The following CDH13 variants were observed in gnomAD, a reference collection of about 807,000 sequenced individuals.
The protein encoded by CDH13 is cadherin 13.
CDH13 carries 24 observed loss-of-function variants against 63.8 expected under a neutral mutation model. The observed-to-expected ratio is 0.38, with a 90% confidence interval of 0.27 to 0.53. CDH13 has a LOEUF of 0.53. CDH13 is among the 20% of genes least tolerant of loss of function. The pLI is 0.85. For missense variants in CDH13, 1,049 were observed against 903.1 expected (o/e 1.16, Z -2.07); for synonymous variants, 503 against 355.3 (o/e 1.42, Z -4.67).
chr16:83,247,417 C>T (rs1324700208), intron 5 of CDH13, among the ~76,000 whole-genome samples: 3 of 152,076 alleles, frequency 2.0e-5, no homozygotes, highest in Non-Finnish European at 2.9e-5. Flanking sequence ...GTGCATATCC[C>T]ACTCTTGTGT....
At chr16:83,439,223 C>T (rs2072414007) in intron 6 of CDH13, among the ~76,000 whole-genome samples, 1 of 152,112 alleles carries the variant, frequency 6.6e-6, no homozygotes, top group Non-Finnish European at 1.5e-5. Context: ...TAGCAATTAA[C>T]CCAAGCAATT....
chr16:82,955,134 A>G (rs911186973), intron 2 of CDH13, among the ~76,000 whole-genome samples: 2 of 152,214 alleles, frequency 1.3e-5, no homozygotes, highest in Non-Finnish European at 2.9e-5. Context: ...CCTACCTAGG[A>G]TTAGAATTGC....
At chr16:83,180,504 G>C (rs2038308049) in intron 4 of CDH13, among the ~76,000 whole-genome samples, 1 of 152,128 alleles carries the variant, frequency 6.6e-6, no homozygotes, top group African/African-American at 2.4e-5. Flanking sequence ...TCACCTTTTG[G>C]TGGTAGCTAA....
intron 6 of CDH13, among the ~76,000 whole-genome samples, chr16:83,453,328 G>A (rs905420777): frequency 9.2e-5 from 14 of 151,408 alleles, no homozygotes; most frequent in African/African-American, 2.9e-4. Context: ...AACTTGCTCA[G>A]GTAACCAAAT....
intron 1 of CDH13, among the ~76,000 whole-genome samples, chr16:82,827,692 G>A (rs2038320663): frequency 6.6e-6 from 1 of 152,144 alleles, no homozygotes; most frequent in Admixed American, 6.5e-5. Flanking sequence ...GGGAGAATCT[G>A]ACCTAAAATG....
chr16:83,753,382 A>T (rs1913248601), intron 11 of CDH13, among the ~76,000 whole-genome samples: 1 of 152,142 alleles, frequency 6.6e-6, no homozygotes, highest in East Asian at 1.9e-4. Flanking sequence ...CATCCCGAAA[A>T]AGAATACAAA....
chr16:82,735,563 G>A (rs1415111935), intron 1 of CDH13, among the ~76,000 whole-genome samples: 1 of 152,204 alleles, frequency 6.6e-6, no homozygotes, highest in Non-Finnish European at 1.5e-5. Context: ...ATCTGACAGA[G>A]TACTATGTGT....
intron 2 of CDH13, among the ~76,000 whole-genome samples, chr16:83,029,888 A>T (rs1024826295): frequency 6.6e-6 from 1 of 151,232 alleles, no homozygotes; most frequent in African/African-American, 2.4e-5. Flanking sequence ...CTAAACAAAT[A>T]AGCCTGTTCA....
chr16:83,789,274 C>G (rs1169078492), intron 13 of CDH13, among the ~76,000 whole-genome samples: 1 of 151,974 alleles, frequency 6.6e-6, no homozygotes, highest in Admixed American at 6.6e-5. Context: ...TGAGCTTAAA[C>G]CCTTAAGCAA....
intron 1 of CDH13, among the ~76,000 whole-genome samples, chr16:82,701,836 G>A (rs1002896657): frequency 7.2e-5 from 11 of 152,090 alleles, no homozygotes; most frequent in African/African-American, 2.7e-4. Context: ...AGGATGCTCT[G>A]ATTAGCCAGG....
intron 7 of CDH13, among the ~76,000 whole-genome samples, chr16:83,550,896 C>G (rs1412158893): frequency 1.3e-5 from 2 of 152,088 alleles, no homozygotes; most frequent in Non-Finnish European, 1.5e-5. Flanking sequence ...GCATTCCTCC[C>G]TCTCTCTTCC....
intron 6 of CDH13, among the ~76,000 whole-genome samples, chr16:83,381,567 T>A (rs778998266): frequency 6.6e-6 from 1 of 151,982 alleles, no homozygotes; most frequent in African/African-American, 2.4e-5. Context: ...CTCTTCCCAA[T>A]TATTAAGCAG....
chr16:83,316,398 C>G (rs1353723295), intron 5 of CDH13, among the ~76,000 whole-genome samples: 1 of 152,150 alleles, frequency 6.6e-6, no homozygotes, highest in South Asian at 2.1e-4. Context: ...TGTCACGAGC[C>G]TGGATTTCCA....
chr16:83,695,952 C>T (rs1234431278), intron 10 of CDH13, among the ~76,000 whole-genome samples: 1 of 151,168 alleles, frequency 6.6e-6, no homozygotes, highest in Non-Finnish European at 1.5e-5. Context: ...TGCAGTGGTG[C>T]AGTCTCGGCT....
intron 2 of CDH13, among the ~76,000 whole-genome samples, chr16:82,883,961 C>T (rs188350743): frequency 5.0e-4 from 76 of 152,268 alleles, no homozygotes; most frequent in African/African-American, 1.7e-3. Flanking sequence ...CTCCTAGTAC[C>T]TCAGTTTCCT....
chr16:83,473,617 C>A (rs1368614965), intron 6 of CDH13, among the ~76,000 whole-genome samples: 3 of 152,146 alleles, frequency 2.0e-5, no homozygotes, highest in Non-Finnish European at 4.4e-5. Flanking sequence ...TGGACCTAGC[C>A]TAAAGATGCC....
intron 1 of CDH13, among the ~76,000 whole-genome samples, chr16:82,857,317 A>G (rs970018050): frequency 6.6e-6 from 1 of 152,208 alleles, no homozygotes; most frequent in African/African-American, 2.4e-5. Flanking sequence ...TAATGGCCAA[A>G]TACTAAGGGC....
Position 82,975,092 on chromosome 16 carries a change from C to T in CDH13, c.158-56918C>T, listed in dbSNP as rs1049488825. On this transcript the variant is annotated intron_variant, in intron 2 of 13. Coordinates refer to ENST00000567109, the MANE Select transcript of CDH13 (RefSeq NM_001257.5). ...CTCGTCTTTCTGATTTCTTTCAGTC[C>T]GATGGGTATAAAGCATAAACAAGTC... 3.9e-5 allele frequency among the ~76,000 whole-genome samples: 6 copies of T among 152,266 alleles called. No homozygotes were observed. In the East Asian group the frequency reaches 7.7e-4, roughly 20 times the overall value.
chr16:83,283,598 A>C (rs931597124), intron 5 of CDH13, among the ~76,000 whole-genome samples: 1 of 152,158 alleles, frequency 6.6e-6, no homozygotes, highest in East Asian at 1.9e-4. Flanking sequence ...CTCAGAAACA[A>C]AAATTTCCAC....
Sources: gnomAD v4.1 joint callset for allele counts (sites outside exome capture counted in the v4.1 genomes callset) on GRCh38, gnomAD v4.1.1 for gene constraint, MANE v1.5 for transcripts, NCBI Gene and HGNC (gene_info 2026-07-23, HGNC 2026-07-21) for gene names.